The following DGKB variants were observed in gnomAD, a reference collection of about 807,000 sequenced individuals.
DGKB encodes the protein 90 kDa diacylglycerol kinase.
Under a neutral mutation model 114.3 loss-of-function variants are expected in DGKB, and 67 were observed. That is an observed-to-expected ratio of 0.59 (90% CI 0.48 to 0.72). DGKB has a LOEUF of 0.72. Among genes scored for constraint, DGKB ranks in the 30% least tolerant of loss-of-function variants. The pLI, the probability that DGKB is intolerant of heterozygous loss-of-function variation, is 0.00. For missense variants in DGKB, 907 were observed against 975.2 expected (o/e 0.93, Z 0.93); for synonymous variants, 398 against 323.1 (o/e 1.23, Z -2.49).
At chr7:14,663,203 A>C (rs1227711755) in intron 13 of DGKB, among the ~76,000 whole-genome samples, 1 of 152,020 alleles carries the variant, frequency 6.6e-6, no homozygotes, top group Non-Finnish European at 1.5e-5. Flanking sequence ...AATTTGGCTG[A>C]ATCTTAACAA....
At chr7:14,254,064 GA>G (rs1386412556) in intron 23 of DGKB, among the ~76,000 whole-genome samples, 1 of 152,194 alleles carries the variant, frequency 6.6e-6, no homozygotes. Flanking sequence ...AAGACGAAGA[GA>G]AAGAAGGAGT....
intron 23 of DGKB, among the ~76,000 whole-genome samples, chr7:14,325,924 C>T (rs1808627615): frequency 6.6e-6 from 1 of 152,014 alleles, no homozygotes; most frequent in Admixed American, 6.6e-5. Flanking sequence ...AAAAATAATA[C>T]AATCTTACAT....
At chr7:14,923,727 G>C (rs1006168465) in intron 1 of DGKB, among the ~76,000 whole-genome samples, 1 of 152,036 alleles carries the variant, frequency 6.6e-6, no homozygotes, top group Admixed American at 6.6e-5. Context: ...GGGCACGGTG[G>C]CACATGCCTG....
At chr7:14,859,511 G>A (rs748969070) in intron 1 of DGKB, among the ~76,000 whole-genome samples, 1 of 152,100 alleles carries the variant, frequency 6.6e-6, no homozygotes, top group African/African-American at 2.4e-5. Flanking sequence ...TCTATAGAAT[G>A]TGCAAGAGTG....
At chr7:14,157,932 G>T (rs900792415) in intron 25 of DGKB, among the ~76,000 whole-genome samples, 4 of 152,074 alleles carry the variant, frequency 2.6e-5, no homozygotes, top group Non-Finnish European at 5.9e-5. Context: ...TTCTTACTGA[G>T]TAATATTTCA....
At chr7:14,354,620 T>C (rs934629431) in intron 21 of DGKB, among the ~76,000 whole-genome samples, 1 of 152,198 alleles carries the variant, frequency 6.6e-6, no homozygotes, top group Non-Finnish European at 1.5e-5. Flanking sequence ...AGATGGTATG[T>C]GTGTATACAA....
At chr7:14,579,715 A>G (rs1353446878) in intron 19 of DGKB, among the ~76,000 whole-genome samples, 1 of 152,122 alleles carries the variant, frequency 6.6e-6, no homozygotes, top group Non-Finnish European at 1.5e-5. Context: ...TACAGCTTAG[A>G]GCTAGTTGGT....
In DGKB at chr7:14,414,000, T is replaced by C. The variant is rs188197663; in HGVS notation, c.1835+64161A>G. On this transcript the variant is annotated intron_variant, in intron 21 of 25. Coordinates refer to ENST00000402815, the MANE Select transcript of DGKB (RefSeq NM_001350709.2). ...ATCCACACTAAGTCCTTTTATTCAA[T>C]ATTTATGCGGTTTTAACAAATTGTT... Among the ~76,000 whole-genome samples, 4 of 152,298 alleles carry C rather than the reference T, an allele frequency of 2.6e-5. No homozygotes were observed. In the South Asian group the frequency reaches 6.2e-4, roughly 24 times the overall value.
At chr7:14,177,304 G>A (rs1158462584) in intron 24 of DGKB, among the ~76,000 whole-genome samples, 2 of 151,940 alleles carry the variant, frequency 1.3e-5, no homozygotes, top group Non-Finnish European at 1.5e-5. Context: ...AATTATTCCT[G>A]TGCTACAATC....
chr7:14,179,846 C>T (rs1383293593), intron 23 of DGKB, among the ~76,000 whole-genome samples: 2 of 152,272 alleles, frequency 1.3e-5, no homozygotes, highest in Non-Finnish European at 2.9e-5. Context: ...CAAATGTTAA[C>T]TTAGAGCTTC....
At chr7:14,456,004 A>C (rs1328779276) in intron 21 of DGKB, among the ~76,000 whole-genome samples, 1 of 151,984 alleles carries the variant, frequency 6.6e-6, no homozygotes, top group Non-Finnish European at 1.5e-5. Context: ...CTAATCCAAA[A>C]ATCCAAAATC....
chr7:14,216,068 G>C (rs10236194), intron 23 of DGKB, among the ~76,000 whole-genome samples: 56 of 152,214 alleles, frequency 3.7e-4, no homozygotes, highest in African/African-American at 1.3e-3. Context: ...CCTTCCTGGA[G>C]TTTATGGCCT....
At chr7:14,479,715 G>C (rs904305857) in intron 20 of DGKB, among the ~76,000 whole-genome samples, 4 of 151,986 alleles carry the variant, frequency 2.6e-5, no homozygotes, top group African/African-American at 9.7e-5. Flanking sequence ...TTTATAATAT[G>C]AAGTTGTCTT....
intron 21 of DGKB, among the ~76,000 whole-genome samples, chr7:14,409,235 G>A (rs536318751): frequency 6.6e-6 from 1 of 152,212 alleles, no homozygotes; most frequent in East Asian, 1.9e-4. Context: ...CGAGGGAGCA[G>A]TTCCTTTCTC....
intron 23 of DGKB, among the ~76,000 whole-genome samples, chr7:14,291,025 C>T (rs1166821736): frequency 1.3e-5 from 2 of 151,396 alleles, no homozygotes; most frequent in Non-Finnish European, 2.9e-5. Context: ...GCCTGTAATC[C>T]CAGCTACTTG....
chr7:14,940,622 A>G (rs539324555), intron 1 of DGKB, among the ~76,000 whole-genome samples: 4 of 152,180 alleles, frequency 2.6e-5, no homozygotes, highest in Admixed American at 6.5e-5. Context: ...CCTTTGTTCT[A>G]TTAGTTAAAT....
intron 20 of DGKB, among the ~76,000 whole-genome samples, chr7:14,512,320 T>C (rs1252734354): frequency 6.6e-6 from 1 of 152,204 alleles, no homozygotes; most frequent in Non-Finnish European, 1.5e-5. Context: ...AAGATGGAAT[T>C]ATTGGGTTTC....
intron 16 of DGKB, among the ~76,000 whole-genome samples, chr7:14,610,886 A>T (rs1005337943): frequency 6.6e-6 from 1 of 152,090 alleles, no homozygotes; most frequent in Non-Finnish European, 1.5e-5. Context: ...GCCTTCCTCT[A>T]TACTGTTGTC....
intron 20 of DGKB, among the ~76,000 whole-genome samples, chr7:14,561,167 G>A (rs756510975): frequency 1.6e-4 from 25 of 152,220 alleles, no homozygotes; most frequent in Non-Finnish European, 2.9e-4. Flanking sequence ...CTCTTCTCAT[G>A]ATAGTGAATA....
Sources: gnomAD v4.1 joint callset for allele counts (sites outside exome capture counted in the v4.1 genomes callset) on GRCh38, gnomAD v4.1.1 for gene constraint, MANE v1.5 for transcripts, NCBI Gene and HGNC (gene_info 2026-07-23, HGNC 2026-07-21) for gene names.